NRXN3: variants seen among roughly 807,000 people sequenced by gnomAD.
NRXN3 encodes the protein neurexin 3.
NRXN3 carries 32 observed loss-of-function variants against 137.6 expected under a neutral mutation model. The observed-to-expected ratio is 0.23, with a 90% CI of 0.18 to 0.31. NRXN3 has a LOEUF of 0.31. Among genes scored for constraint, NRXN3 ranks in the 10% least tolerant of loss-of-function variants. NRXN3 has a pLI of 1.00. For missense variants in NRXN3, 1,574 were observed against 2,062.5 expected (o/e 0.76, Z 4.59); for synonymous variants, 798 against 784.5 (o/e 1.02, Z -0.29).
chr14:78,208,901 G>A (rs75622801), intron 1 of NRXN3, among the ~76,000 whole-genome samples: 1,560 of 152,262 alleles, frequency 0.01, 41 homozygotes, highest in East Asian at 0.1. Flanking sequence ...TCCCCATGAC[G>A]GTTGGGGCCC....
intron 4 of NRXN3, among the ~76,000 whole-genome samples, chr14:78,299,467 TACATTCTTTTTTCCCCTCC>T (rs2076665518): frequency 1.6e-4 from 1 of 6,240 alleles, no homozygotes; most frequent in Non-Finnish European, 2.8e-4. Flanking sequence ...AAGCCCCTCC[TACATTCTTTTTTCCCCTCC>T]TACATTCTTT....
chr14:79,480,081 A>G (rs1362429295), intron 16 of NRXN3, among the ~76,000 whole-genome samples: 2 of 152,134 alleles, frequency 1.3e-5, no homozygotes, highest in Non-Finnish European at 2.9e-5. Flanking sequence ...TATATTTGTA[A>G]TTTAAATCCA....
chr14:78,285,473 A>G (rs576503699), intron 3 of NRXN3, among the ~76,000 whole-genome samples: 1 of 152,282 alleles, frequency 6.6e-6, no homozygotes, highest in South Asian at 2.1e-4. Flanking sequence ...CTCAGGTACA[A>G]TAAGTACCTC....
chr14:78,938,902 T>A (rs1174489578), intron 10 of NRXN3, among the ~76,000 whole-genome samples: 1 of 147,962 alleles, frequency 6.8e-6, no homozygotes, highest in Non-Finnish European at 1.5e-5. Flanking sequence ...TGGAGTGCAG[T>A]GGCGCAATCT....
chr14:78,566,150 C>A (rs530913103), intron 4 of NRXN3, among the ~76,000 whole-genome samples: 4 of 152,186 alleles, frequency 2.6e-5, no homozygotes, highest in Admixed American at 2.6e-4. Context: ...GCTCTCCCAC[C>A]CCGCCCCCAA....
chr14:79,280,146 T>A, intron 15 of NRXN3: 11 of 1,487,778 alleles, frequency 7.4e-6, no homozygotes, highest in Non-Finnish European at 9.8e-6. Flanking sequence ...TGATTCATTG[T>A]TTGGAAAGCG....
intron 4 of NRXN3, among the ~76,000 whole-genome samples, chr14:78,543,255 A>G (rs1387193138): frequency 6.6e-6 from 1 of 152,148 alleles, no homozygotes; most frequent in Non-Finnish European, 1.5e-5. Flanking sequence ...ATGATCTGAG[A>G]TCATAAATGA....
At chr14:79,517,896 C>CTTTTTT (rs34241975) in intron 16 of NRXN3, among the ~76,000 whole-genome samples, 3 of 73,360 alleles carry the variant, frequency 4.1e-5, no homozygotes, top group African/African-American at 6.6e-5. Context: ...CCTGACTTTC[C>CTTTTTT]TTTTTTTTTT....
At chr14:78,258,861 G>A (rs138568733) in intron 2 of NRXN3, among the ~76,000 whole-genome samples, 31 of 152,198 alleles carry the variant, frequency 2.0e-4, no homozygotes, top group African/African-American at 2.9e-4. Flanking sequence ...GGCCGGGCGC[G>A]GTGGCTCACA....
chr14:79,421,932 G>A (rs1179375382), intron 15 of NRXN3, among the ~76,000 whole-genome samples: 1 of 152,168 alleles, frequency 6.6e-6, no homozygotes, highest in East Asian at 1.9e-4. Flanking sequence ...CCTTACACTA[G>A]TAACAAGTTT....
chr14:79,856,233 G>T (rs1162604628), intron 20 of NRXN3, among the ~76,000 whole-genome samples: 1 of 152,098 alleles, frequency 6.6e-6, no homozygotes, highest in East Asian at 1.9e-4. Flanking sequence ...TTCTCCCCAG[G>T]TACTTGCCCT....
intron 15 of NRXN3, among the ~76,000 whole-genome samples, chr14:79,277,155 G>A (rs1349174961): frequency 6.6e-6 from 1 of 152,126 alleles, no homozygotes; most frequent in Non-Finnish European, 1.5e-5. Context: ...CATTTGAAAT[G>A]CACCCATCAC....
chr14:79,079,795 C>G (rs1282874251), intron 15 of NRXN3, among the ~76,000 whole-genome samples: 1 of 152,044 alleles, frequency 6.6e-6, no homozygotes, highest in East Asian at 1.9e-4. Flanking sequence ...CGAGACCAGT[C>G]TGACTAACAT....
At chr14:79,540,158 A>G (rs981250569) in intron 16 of NRXN3, among the ~76,000 whole-genome samples, 1 of 145,060 alleles carries the variant, frequency 6.9e-6, no homozygotes, top group African/African-American at 2.6e-5. Context: ...AAGATGCCTT[A>G]AAAAGATTGC....
At chr14:79,669,573 G>A (rs113155588) in intron 17 of NRXN3, among the ~76,000 whole-genome samples, 1 of 152,082 alleles carries the variant, frequency 6.6e-6, no homozygotes, top group Non-Finnish European at 1.5e-5. Context: ...TTAAAAGAAT[G>A]TTTTCAATAG....
At chr14:78,546,442 T>C (rs1327329713) in intron 4 of NRXN3, among the ~76,000 whole-genome samples, 1 of 152,212 alleles carries the variant, frequency 6.6e-6, no homozygotes, top group Non-Finnish European at 1.5e-5. Context: ...TAGTAATATT[T>C]GTTTACCTTG....
In NRXN3 at chr14:79,281,489, T is replaced by C. The variant is rs146926678; in HGVS notation, c.3263-185732T>C. The stretch of plus-strand genomic sequence containing the variant: ...GTAAACTGTTCTAAAGAAAGGAGCT[T>C]CTTAATTTGTTTACTATGCACTCCA... On this transcript the variant is annotated intron_variant, in intron 15 of 20. Transcript: ENST00000335750. Among the ~76,000 whole-genome samples the C allele has an allele frequency of 3.7e-3, 556 of 152,200 alleles. 4 individuals carry two copies. Among genetic ancestry groups the C allele is most frequent in the African/African-American group, 0.012 (512 of 41,564 alleles).
intron 19 of NRXN3, among the ~76,000 whole-genome samples, chr14:79,758,356 A>C (rs1301382484): frequency 6.6e-6 from 1 of 152,164 alleles, no homozygotes; most frequent in African/African-American, 2.4e-5. Context: ...GCTTTCACTC[A>C]TGGCAGAAGG....
intron 15 of NRXN3, among the ~76,000 whole-genome samples, chr14:79,299,327 A>G (rs2153221929): frequency 6.6e-6 from 1 of 152,178 alleles, no homozygotes; most frequent in East Asian, 1.9e-4. Flanking sequence ...AGTGTCACTG[A>G]TCACTCTCTC....
Sources: gnomAD v4.1 joint callset for allele counts (sites outside exome capture counted in the v4.1 genomes callset) on GRCh38, gnomAD v4.1.1 for gene constraint, MANE v1.5 for transcripts, NCBI Gene and HGNC (gene_info 2026-07-23, HGNC 2026-07-21) for gene names.